Variants in INPP5D observed in about 807,000 individuals in gnomAD.
INPP5D encodes the protein phosphatidylinositol 3,4,5-trisphosphate 5-phosphatase 1.
INPP5D carries 33 observed loss-of-function variants against 122.9 expected under a neutral mutation model. The observed-to-expected ratio is 0.27, with a 90% confidence interval of 0.20 to 0.36. INPP5D has a LOEUF of 0.36. INPP5D is among the 10% of genes least tolerant of loss of function. The pLI, the probability that INPP5D is intolerant of heterozygous loss-of-function variation, is 1.00. For missense variants in INPP5D, 1,053 were observed against 1,412.7 expected (o/e 0.75, Z 4.08); for synonymous variants, 584 against 576.2 (o/e 1.01, Z -0.19).
intron 25 of INPP5D, among the ~76,000 whole-genome samples, chr2:233,200,854 G>A (rs1337491336): frequency 2.6e-5 from 4 of 151,994 alleles, no homozygotes; most frequent in Non-Finnish European, 4.4e-5. Flanking sequence ...AGCTACTCAG[G>A]AGTCTCTGAG....
At chr2:233,079,831 C>T (rs1002081503) in intron 2 of INPP5D, among the ~76,000 whole-genome samples, 1 of 152,208 alleles carries the variant, frequency 6.6e-6, no homozygotes, top group Non-Finnish European at 1.5e-5. Context: ...AAAACAGTGC[C>T]TTTCCATTTG....
At chr2:233,144,213 AGGT>A (rs1693688544) in intron 6 of INPP5D, among the ~76,000 whole-genome samples, 1 of 123,086 alleles carries the variant, frequency 8.1e-6, no homozygotes. Flanking sequence ...GTAGGGGTGG[AGGT>A]GGTGGTAGTG....
At chr2:233,176,077 T>A (rs1694617227) in intron 17 of INPP5D, among the ~76,000 whole-genome samples, 1 of 152,208 alleles carries the variant, frequency 6.6e-6, no homozygotes, top group African/African-American at 2.4e-5. Context: ...CAGGATGAGT[T>A]CCTTTATGTT....
chr2:233,066,546 AT>A (rs1437090720), intron 1 of INPP5D, among the ~76,000 whole-genome samples: 3 of 152,148 alleles, frequency 2.0e-5, no homozygotes, highest in Non-Finnish European at 2.9e-5. Context: ...TCGTTGGGTT[AT>A]TTTTTCAAAT....
rs758415674 is a variant in INPP5D, at chr2:233,146,201, C to T, written c.793C>T (p.Leu265Phe). The change falls in exon 7 of 27, where the codon CTC becomes TTC. Residue 265 changes from leucine (L) to phenylalanine (F), a missense_variant. Physicochemically the swap from Leu to Phe is conservative, Grantham distance 22. Transcript: ENST00000445964. ...CAATCCCATCAACATGGTGTCCAAG[C>T]TCAGCCAACTGACAAGCCTGTTGTC... ...EANPINMVSK[L>F]SQLTSLLSSI... 6.1e-5 allele frequency: 43 copies of T among 704,158 alleles called. No homozygotes were observed. Among genetic ancestry groups the T allele is most frequent in the East Asian group, 3.2e-4 (12 of 37,434 alleles). 43.6% of individuals were successfully genotyped at this position (704,158 alleles called of 1,614,324 possible).
At position 233,204,727 on chromosome 2, in the gene INPP5D, G is replaced by T; in HGVS notation, c.3567+10G>T. 6.7e-7 allele frequency: 1 copy of T among 1,487,354 alleles called. No homozygotes were observed. Among genetic ancestry groups the T allele is most frequent in the Non-Finnish European group, 8.9e-7 (1 of 1,121,488 alleles). The allele number at this position is 1,487,354 out of a possible 1,614,324, so 92.1% of individuals were successfully genotyped here. Reference sequence around the variant, plus strand: ...CAGGACTGCCATGCAGGTGCGCTGCGCCACACGTGGGTTCGTGTGCATTTG... The same window carrying T: ...CAGGACTGCCATGCAGGTGCGCTGCTCCACACGTGGGTTCGTGTGCATTTG... On this transcript the variant is annotated intron_variant, in intron 26 of 26. Coordinates refer to ENST00000445964, the MANE Select transcript of INPP5D (RefSeq NM_001017915.3).
In INPP5D at chr2:233,204,411, G is replaced by A. The variant is rs7346; in HGVS notation, c.3261G>A (p.Thr1087=). Residue 1087 remains threonine (T), a synonymous_variant, in exon 26 of 27, where the codon ACG becomes ACA. Coordinates refer to ENST00000445964, the MANE Select transcript of INPP5D (RefSeq NM_001017915.3). ...CCGCGCCCCGGCTGCGCTCCTTCAC[G>A]TGCTCATCCTCTGCCGAGGGCAGGG... is the stretch of plus-strand genomic sequence containing the variant. ...QVPAPRLRSF[T]CSSSAEGRAA... 0.2 allele frequency: 317,068 copies of A among 1,609,328 alleles called. 32,404 individuals carry two copies. Among genetic ancestry groups the A allele is most frequent in the East Asian group, 0.34 (15,027 of 44,718 alleles).
At chr2:233,102,122 A>T (rs1162701937) in intron 2 of INPP5D, among the ~76,000 whole-genome samples, 1 of 152,180 alleles carries the variant, frequency 6.6e-6, no homozygotes, top group Non-Finnish European at 1.5e-5. Flanking sequence ...AGAGAGTTAG[A>T]TACTGTACTC....
At chr2:233,180,128 GTTC>G (rs1303899157) in intron 18 of INPP5D, among the ~76,000 whole-genome samples, 3 of 152,116 alleles carry the variant, frequency 2.0e-5, no homozygotes, top group African/African-American at 7.2e-5. Context: ...CAGTGGGGAA[GTTC>G]TTCTTAAGGC....
chr2:233,137,985 G>GTATTAATAATATAATGAGATTATATTA (rs1693537282), intron 5 of INPP5D, among the ~76,000 whole-genome samples: 1 of 111,200 alleles, frequency 9.0e-6, no homozygotes, highest in Non-Finnish European at 1.8e-5. Context: ...AGATTATATT[G>GTATTAATAATATAATGAGATTATATTA]TATTAATAAT....
At chr2:233,069,363 T>C (rs1559271944) in intron 1 of INPP5D, among the ~76,000 whole-genome samples, 1 of 152,156 alleles carries the variant, frequency 6.6e-6, no homozygotes, top group Non-Finnish European at 1.5e-5. Context: ...CTTTAAAAAA[T>C]GGTATTTATA....
intron 12 of INPP5D, 49 bp downstream of exon 12, chr2:233,163,952 C>T (rs1006764570): frequency 6.3e-7 from 1 of 1,590,794 alleles, no homozygotes; most frequent in Non-Finnish European, 8.6e-7. Context: ...AGAATCTTTG[C>T]TCGGCTGGGC....
At chr2:233,162,067 G>A (rs1468561442) in intron 11 of INPP5D, among the ~76,000 whole-genome samples, 2 of 152,192 alleles carry the variant, frequency 1.3e-5, no homozygotes, top group Admixed American at 6.5e-5. Flanking sequence ...CAGCTGGCGT[G>A]GGTTACTCTG....
At chr2:233,102,175 C>T (rs924849135) in intron 2 of INPP5D, among the ~76,000 whole-genome samples, 5 of 152,276 alleles carry the variant, frequency 3.3e-5, no homozygotes, top group South Asian at 2.1e-4. Context: ...GATTGACATT[C>T]GTAGCTGACA....
At chr2:233,166,909 G>A (rs1334651050) in intron 13 of INPP5D, among the ~76,000 whole-genome samples, 11 of 151,912 alleles carry the variant, frequency 7.2e-5, no homozygotes, top group African/African-American at 2.2e-4. Flanking sequence ...GCTTGAACCC[G>A]AGAGGTGGAG....
At chr2:233,090,962 G>GAAA (rs112631725) in intron 2 of INPP5D, among the ~76,000 whole-genome samples, 1 of 86,654 alleles carries the variant, frequency 1.2e-5, no homozygotes, top group Admixed American at 1.2e-4. Flanking sequence ...CCGTCTCAAA[G>GAAA]AAAAAAAAAA....
At position 233,068,285 on chromosome 2, in the gene INPP5D, C is replaced by CAA. The variant is rs60089777; in HGVS notation, c.134+7689_134+7690dup. The stretch of plus-strand genomic sequence containing the variant: ...GGGCAACAAGAGTGAAACTCTGTCT[C>CAA]AAAAAAAAAAAAAAAAATCATGCTG... On this transcript the variant is annotated intron_variant, in intron 1 of 26. Transcript: ENST00000445964. Among the ~76,000 whole-genome samples, 29 of 127,170 alleles carry CAA rather than the reference C, an allele frequency of 2.3e-4. No individual in the cohort carries two copies. In the South Asian group the frequency reaches 3.9e-3, roughly 17 times the overall value. The allele number at this position is 127,170 out of a possible 152,430, so 83.4% of individuals were successfully genotyped here. A position where few individuals can be genotyped will look rare whatever the true frequency, so the allele number is the denominator to read the frequency against.
chr2:233,152,000 C>T (rs1693936213), intron 9 of INPP5D, among the ~76,000 whole-genome samples: 1 of 152,208 alleles, frequency 6.6e-6, no homozygotes, highest in East Asian at 1.9e-4. Flanking sequence ...GGCTTCTTTA[C>T]AGTTGGTGCT....
intron 1 of INPP5D, among the ~76,000 whole-genome samples, chr2:233,072,274 T>C (rs1379571357): frequency 6.6e-6 from 1 of 152,212 alleles, no homozygotes; most frequent in Non-Finnish European, 1.5e-5. Flanking sequence ...TTAATATCTA[T>C]TGTGATGATT....
Sources: allele counts gnomAD v4.1 joint callset (sites outside exome capture counted in the v4.1 genomes callset), GRCh38; gene constraint gnomAD v4.1.1; transcripts MANE v1.5; gene names NCBI Gene and HGNC (gene_info 2026-07-23, HGNC 2026-07-21).